Variants in UGT1A8 observed in about 807,000 individuals in gnomAD.
UGT1A8 encodes the protein UDP-glucuronosyltransferase 1A8.
In UGT1A8, 39 loss-of-function variants were observed where a neutral mutation model predicts 45.3. The observed-to-expected ratio is 0.86, with a 90% CI of 0.67 to 1.12. UGT1A8 has a LOEUF of 1.12. Among genes scored for constraint, UGT1A8 ranks in the 50% most tolerant of loss-of-function variants. The pLI, the probability that UGT1A8 is intolerant of heterozygous loss-of-function variation, is 0.00. For missense variants in UGT1A8, 719 were observed against 664.9 expected (o/e 1.08, Z -0.90); for synonymous variants, 275 against 249.2 (o/e 1.10, Z -0.97).
chr2:233,649,348 G>A (rs892203329), intron 1 of UGT1A8, among the ~76,000 whole-genome samples: 1 of 152,078 alleles, frequency 6.6e-6, no homozygotes, highest in Non-Finnish European at 1.5e-5. Flanking sequence ...AGCCTTCCAA[G>A]CAATTATGAC....
intron 1 of UGT1A8, chr2:233,713,154 G>T (rs2076285126): frequency 6.2e-7 from 1 of 1,614,116 alleles, no homozygotes; most frequent in Non-Finnish European, 8.5e-7. Context: ...CCATGCGAGA[G>T]GCCACCAGGT....
At chr2:233,732,556 A>G (rs1170205117) in intron 1 of UGT1A8, among the ~76,000 whole-genome samples, 1 of 152,226 alleles carries the variant, frequency 6.6e-6, no homozygotes, top group African/African-American at 2.4e-5. Context: ...CATTTATTAA[A>G]TAAGGAATCC....
rs2074970437 is a variant in UGT1A8 at position 233,689,999 on chromosome 2, C to T, written c.855+71437C>T. On this transcript the variant is annotated intron_variant, in intron 1 of 4. Transcript: ENST00000373450. The stretch of plus-strand genomic sequence containing the variant: ...AGGCCCCTAAAAGGGATTCTCACTT[C>T]ATCTCACCATTTTGGACCTTCCTCA... The T allele has an allele frequency of 6.7e-6, 3 of 449,912 alleles. No homozygotes were observed. The East Asian group carries it at 2.1e-4, about 31-fold the overall frequency. The allele number at this position is 449,912 out of a possible 1,614,324, so 27.9% of individuals were successfully genotyped here.
intron 1 of UGT1A8, among the ~76,000 whole-genome samples, chr2:233,671,360 A>AT (rs987041787): frequency 6.6e-6 from 1 of 152,142 alleles, no homozygotes; most frequent in African/African-American, 2.4e-5. Flanking sequence ...TCATTTCAGC[A>AT]TTTTAGAGGC....
intron 1 of UGT1A8, among the ~76,000 whole-genome samples, chr2:233,640,029 C>G (rs1352571529): frequency 6.6e-6 from 1 of 152,194 alleles, no homozygotes; most frequent in Non-Finnish European, 1.5e-5. Context: ...GTAGGTGCAG[C>G]TCTGCAGACC....
At chr2:233,715,877 G>A (rs2076474455) in intron 1 of UGT1A8, among the ~76,000 whole-genome samples, 1 of 152,174 alleles carries the variant, frequency 6.6e-6, no homozygotes, top group Non-Finnish European at 1.5e-5. Context: ...TTGTGCCTGT[G>A]GCCCCAGCTA....
At chr2:233,729,564 T>A in intron 1 of UGT1A8, 2 of 1,614,164 alleles carry the variant, frequency 1.2e-6, no homozygotes. Flanking sequence ...CTACTTCCTT[T>A]GATGTGGTTT....
At chr2:233,620,615 A>G (rs1559311393) in intron 1 of UGT1A8, among the ~76,000 whole-genome samples, 1 of 152,194 alleles carries the variant, frequency 6.6e-6, no homozygotes, top group Non-Finnish European at 1.5e-5. Flanking sequence ...TCTATTAAAG[A>G]ATATATATGT....
At chr2:233,763,091 G>C (rs1453938427) in intron 1 of UGT1A8, among the ~76,000 whole-genome samples, 1 of 152,216 alleles carries the variant, frequency 6.6e-6, no homozygotes, top group Non-Finnish European at 1.5e-5. Context: ...ATGTTTGTAG[G>C]AGAGGCACCG....
At chr2:233,740,611 T>C (rs1203894418) in intron 1 of UGT1A8, 1 of 151,850 alleles carries the variant, frequency 6.6e-6, no homozygotes, top group Non-Finnish European at 1.5e-5. Flanking sequence ...TCCAGGTCTC[T>C]TGGGGCTCAC....
intron 1 of UGT1A8, among the ~76,000 whole-genome samples, chr2:233,684,106 A>C (rs1213286130): frequency 6.6e-6 from 1 of 152,136 alleles, no homozygotes; most frequent in African/African-American, 2.4e-5. Context: ...ATTTTTATCT[A>C]TTGTTCTGGC....
chr2:233,769,742 C>A lies in UGT1A8; in HGVS notation c.1295+1303C>A, dbSNP rs2126047976. 6.9e-7 allele frequency: 1 copy of A among 1,450,742 alleles called. No individual in the cohort carries two copies. Among genetic ancestry groups the A allele is most frequent in the Non-Finnish European group, 9.1e-7 (1 of 1,100,114 alleles). The allele number at this position is 1,450,742 out of a possible 1,614,324, so 89.9% of individuals were successfully genotyped here. ...CCATGGCACACGCCTGTAGTCCCAG[C>A]CACTCTGGAGGCTAAGGCGGGAGGA... On this transcript the variant is annotated intron_variant, in intron 4 of 4. Coordinates refer to ENST00000373450, the MANE Select transcript of UGT1A8 (RefSeq NM_019076.5). This position sits in a 1 kb window ranked among gnomAD's most constrained non-coding sequence, Gnocchi z 4.4.
chr2:233,643,523 C>T (rs1350423108), intron 1 of UGT1A8, among the ~76,000 whole-genome samples: 2 of 152,042 alleles, frequency 1.3e-5, no homozygotes, highest in Non-Finnish European at 2.9e-5. Context: ...ACCCCAAAAG[C>T]CCTCTTGATG....
At chr2:233,742,488 T>A (rs1480874171) in intron 1 of UGT1A8, among the ~76,000 whole-genome samples, 1 of 151,938 alleles carries the variant, frequency 6.6e-6, no homozygotes, top group African/African-American at 2.4e-5. Context: ...ACCTTCAGCA[T>A]AGGCATCATG....
rs1386510659 is a variant in UGT1A8, at chr2:233,729,572, T to C, written c.856-37462T>C. The C allele has an allele frequency of 3.1e-6, 5 of 1,613,976 alleles. No homozygotes were observed. The Admixed American group carries it at 6.7e-5, about 22-fold the overall frequency. On this transcript the variant is annotated intron_variant, in intron 1 of 4. Transcript: ENST00000373450. ...CTGAATGCTACTTCCTTTGATGTGG[T>C]TTTAACAGACCCCGTTAACCTCTGC...
At chr2:233,738,602 T>A (rs1388412839) in intron 1 of UGT1A8, among the ~76,000 whole-genome samples, 2 of 152,210 alleles carry the variant, frequency 1.3e-5, no homozygotes, top group East Asian at 3.8e-4. Context: ...TGCTAAGCTT[T>A]AGCAAAGAAA....
At chr2:233,737,822 A>G (rs1690601410) in intron 1 of UGT1A8, among the ~76,000 whole-genome samples, 1 of 152,126 alleles carries the variant, frequency 6.6e-6, no homozygotes, top group African/African-American at 2.4e-5. Flanking sequence ...GGAGCAGAAC[A>G]AATTGGGAAC....
At chr2:233,683,949 A>G (rs2074657322) in intron 1 of UGT1A8, among the ~76,000 whole-genome samples, 2 of 152,204 alleles carry the variant, frequency 1.3e-5, no homozygotes, top group Non-Finnish European at 2.9e-5. Flanking sequence ...TGGTCTAGCC[A>G]GCTTAAATTA....
At chr2:233,713,442 A>G in intron 1 of UGT1A8, 1 of 1,614,102 alleles carries the variant, frequency 6.2e-7, no homozygotes, top group Non-Finnish European at 8.5e-7. Context: ...TGTGGTTCTA[A>G]CAGACCCCTT....
Sources: gnomAD v4.1 joint callset for allele counts (sites outside exome capture counted in the v4.1 genomes callset) on GRCh38, gnomAD v4.1.1 for gene constraint, Gnocchi (gnomAD v3.1) non-coding constraint, MANE v1.5 for transcripts, NCBI Gene and HGNC (gene_info 2026-07-23, HGNC 2026-07-21) for gene names.